Variants in PID1 observed in about 807,000 individuals in gnomAD.
The protein encoded by PID1 is phosphotyrosine interaction domain containing 1.
In PID1, 10 loss-of-function variants were observed where a neutral mutation model predicts 19.1. That is an observed-to-expected ratio of 0.52 (90% CI 0.32 to 0.89). PID1 has a LOEUF of 0.89. Ranked by LOEUF, PID1 falls within the 40% of genes least tolerant of loss-of-function variation. The pLI, the probability that PID1 is intolerant of heterozygous loss-of-function variation, is 0.03. For missense variants in PID1, 248 were observed against 285.3 expected (o/e 0.87, Z 0.94); for synonymous variants, 130 against 116.0 (o/e 1.12, Z -0.78).
Position 229,053,595 on chromosome 2 carries a change from C to T in PID1, c.178-27487G>A, listed in dbSNP as rs551363237. ...CTCCCCCAGCAAGCCCGAGGAACAG[C>T]CTCAGTTTCCCTCTCTTGGCCTGCA... is the stretch of plus-strand genomic sequence containing the variant. On this transcript the variant is annotated intron_variant, in intron 2 of 2. Transcript: ENST00000392055. 1.1e-4 allele frequency among the ~76,000 whole-genome samples: 16 copies of T among 152,348 alleles called. No individual in the cohort carries two copies. The South Asian group carries it at 2.9e-3, about 28-fold the overall frequency.
intron 2 of PID1, among the ~76,000 whole-genome samples, chr2:229,142,874 C>T (rs1426343777): frequency 6.9e-6 from 1 of 145,934 alleles, no homozygotes; most frequent in Non-Finnish European, 1.5e-5. Flanking sequence ...ATAAATCATG[C>T]TGCTATAAAG....
intron 2 of PID1, among the ~76,000 whole-genome samples, chr2:229,113,039 T>C (rs893027969): frequency 1.3e-5 from 2 of 152,150 alleles, no homozygotes; most frequent in East Asian, 1.9e-4. Context: ...CAGCAGACTC[T>C]ATGTGAGAGT....
intron 1 of PID1, among the ~76,000 whole-genome samples, chr2:229,237,187 TAAC>T (rs1689729494): frequency 6.6e-6 from 1 of 152,132 alleles, no homozygotes; most frequent in Non-Finnish European, 1.5e-5. Context: ...ATCCAGAGAA[TAAC>T]AATAGAAACC....
chr2:229,084,337 G>A (rs1694723916), intron 2 of PID1, among the ~76,000 whole-genome samples: 1 of 152,124 alleles, frequency 6.6e-6, no homozygotes, highest in African/African-American at 2.4e-5. Context: ...ATACAAAGTG[G>A]AAATTTTCTC....
intron 1 of PID1, among the ~76,000 whole-genome samples, chr2:229,239,974 A>AC (rs1337838212): frequency 6.6e-6 from 1 of 152,128 alleles, no homozygotes; most frequent in Non-Finnish European, 1.5e-5. Context: ...TGGGAGTTCT[A>AC]TTTTCATCTA....
At chr2:229,069,210 A>ATTTTTCT (rs1694401253) in intron 2 of PID1, among the ~76,000 whole-genome samples, 2 of 150,284 alleles carry the variant, frequency 1.3e-5, no homozygotes, top group African/African-American at 4.9e-5. Context: ...TCAGGTAGAA[A>ATTTTTCT]AATTACATAT....
chr2:229,150,372 C>T (rs1215903887), intron 2 of PID1, among the ~76,000 whole-genome samples: 5 of 152,070 alleles, frequency 3.3e-5, no homozygotes, highest in Non-Finnish European at 7.4e-5. Context: ...TGAAGCCAAC[C>T]CTCAGGGCTG....
At chr2:229,035,617 T>G (rs1368877915) in intron 2 of PID1, among the ~76,000 whole-genome samples, 1 of 151,930 alleles carries the variant, frequency 6.6e-6, no homozygotes, top group Non-Finnish European at 1.5e-5. Flanking sequence ...TTGCCCCAAA[T>G]CCCACAGCTG....
At chr2:229,109,647 CT>C (rs1695255703) in intron 2 of PID1, among the ~76,000 whole-genome samples, 1 of 152,200 alleles carries the variant, frequency 6.6e-6, no homozygotes, top group South Asian at 2.1e-4. Flanking sequence ...AAACAGGAAA[CT>C]GAGATATTGT....
At chr2:229,152,470 C>T (rs1236194836) in intron 2 of PID1, among the ~76,000 whole-genome samples, 2 of 152,110 alleles carry the variant, frequency 1.3e-5, no homozygotes, top group Admixed American at 6.5e-5. Flanking sequence ...TCAATGACTA[C>T]TAATTCAATA....
intron 2 of PID1, among the ~76,000 whole-genome samples, chr2:229,066,469 G>T (rs1002189350): frequency 2.6e-5 from 4 of 152,182 alleles, no homozygotes; most frequent in African/African-American, 9.6e-5. Flanking sequence ...GCCAATTTTT[G>T]AAAACCATTC....
intron 2 of PID1, among the ~76,000 whole-genome samples, chr2:229,152,065 CCAT>C (rs1690268252): frequency 6.6e-6 from 1 of 152,154 alleles, no homozygotes; most frequent in Non-Finnish European, 1.5e-5. Context: ...TTCTGGACTG[CCAT>C]AGCAAATCCA....
At chr2:229,201,670 AC>A (rs1440621236) in intron 1 of PID1, among the ~76,000 whole-genome samples, 1 of 151,984 alleles carries the variant, frequency 6.6e-6, no homozygotes, top group Non-Finnish European at 1.5e-5. Context: ...TCATATGGTA[AC>A]CCTATTTTTA....
chr2:229,196,615 C>T (rs1691383764), intron 1 of PID1, among the ~76,000 whole-genome samples: 1 of 152,028 alleles, frequency 6.6e-6, no homozygotes, highest in Admixed American at 6.6e-5. Flanking sequence ...GACTGGGCTA[C>T]ATGTAATGCA....
intron 1 of PID1, among the ~76,000 whole-genome samples, chr2:229,216,220 A>G (rs1000510778): frequency 2.0e-5 from 3 of 152,204 alleles, no homozygotes; most frequent in Non-Finnish European, 4.4e-5. Context: ...GCTAACAGCA[A>G]CTATGATGCT....
chr2:229,115,699 A>T (rs1222848651), intron 2 of PID1, among the ~76,000 whole-genome samples: 1 of 152,178 alleles, frequency 6.6e-6, no homozygotes, highest in South Asian at 2.1e-4. Flanking sequence ...ATCAATTTAC[A>T]ATACTGACAC....
chr2:229,105,106 C>T (rs191183838), intron 2 of PID1, among the ~76,000 whole-genome samples: 1 of 152,268 alleles, frequency 6.6e-6, no homozygotes, highest in East Asian at 1.9e-4. Context: ...TATTATTGGC[C>T]AATAGACTTT....
At chr2:229,091,501 C>T (rs140661059) in intron 2 of PID1, among the ~76,000 whole-genome samples, 186 of 152,168 alleles carry the variant, frequency 1.2e-3, no homozygotes, top group Non-Finnish European at 2.4e-3. Flanking sequence ...AGATGTGGGG[C>T]CTCTTGGAAA....
chr2:229,131,893 G>T (rs1689748197), intron 2 of PID1, among the ~76,000 whole-genome samples: 1 of 151,872 alleles, frequency 6.6e-6, no homozygotes, highest in Non-Finnish European at 1.5e-5. Context: ...GTGACATGAG[G>T]GTGGGCAGAA....
Sources: allele counts gnomAD v4.1 joint callset (sites outside exome capture counted in the v4.1 genomes callset), GRCh38; gene constraint gnomAD v4.1.1; transcripts MANE v1.5; gene names NCBI Gene and HGNC (gene_info 2026-07-23, HGNC 2026-07-21).